Variants in SLC12A7 observed in about 807,000 individuals in gnomAD.
The protein encoded by SLC12A7 is solute carrier family 12 member 7.
SLC12A7 carries 100 observed loss-of-function variants against 120.6 expected under a neutral mutation model. The ratio of observed to expected loss-of-function variants is 0.83; its 90% confidence interval spans 0.71 to 0.98. The LOEUF is 0.98. Ranked by LOEUF, SLC12A7 falls within the 50% of genes least tolerant of loss-of-function variation. SLC12A7 has a pLI of 0.00. For synonymous variants in SLC12A7, 760 were observed against 678.0 expected (o/e 1.12, Z -1.88); for missense variants, 1,373 against 1,548.1 (o/e 0.89, Z 1.90).
At chr5:1,104,633 T>A (rs1742327649) in intron 1 of SLC12A7, among the ~76,000 whole-genome samples, 1 of 151,424 alleles carries the variant, frequency 6.6e-6, no homozygotes, top group Non-Finnish European at 1.5e-5. Flanking sequence ...CCCACTCTCA[T>A]CCCGGACCCC....
Position 1,067,253 on chromosome 5 carries a change from C to A in SLC12A7, c.2242-1775G>T, listed in dbSNP as rs55703420. On this transcript the variant is annotated intron_variant, in intron 17 of 23. Coordinates refer to ENST00000264930, the MANE Select transcript of SLC12A7 (RefSeq NM_006598.3). The stretch of plus-strand genomic sequence containing the variant: ...CAGGAAAGGCCTGAACACGTTACCC[C>A]CAAGGGGCACCAGCCAGCAAGCGGA... 2.1e-3 allele frequency among the ~76,000 whole-genome samples: 322 copies of A among 152,320 alleles called. 1 individual carries two copies. Among genetic ancestry groups the A allele is most frequent in the Non-Finnish European group, 3.8e-3 (261 of 68,028 alleles).
rs772450388 is a variant in SLC12A7, at chr5:1,094,143, A to C, written c.219+11T>G. ...GCCCTGGCACCTTCTTCTTCTAAAA[A>C]GTAAAGTTACCTCGAAAAGTGCCAT... On this transcript the variant is annotated intron_variant, in intron 2 of 23. Coordinates refer to ENST00000264930, the MANE Select transcript of SLC12A7 (RefSeq NM_006598.3). The C allele has an allele frequency of 6.2e-7, 1 of 1,607,604 alleles. No homozygotes were observed. Among genetic ancestry groups the C allele is most frequent in the South Asian group, 1.1e-5 (1 of 90,954 alleles).
chr5:1,118,617 G>A, the SLC12A7 span, among the ~76,000 whole-genome samples: 9 of 152,204 alleles, frequency 5.9e-5, no homozygotes, highest in Admixed American at 1.3e-4. Flanking sequence ...TTTCTAGACC[G>A]GGGGATGCCT....
At chr5:1,096,769 G>GGA (rs1193485977) in intron 1 of SLC12A7, among the ~76,000 whole-genome samples, 22 of 11,428 alleles carry the variant, frequency 1.9e-3, no homozygotes, top group East Asian at 0.021. Flanking sequence ...GGAAGGAAAG[G>GGA]AGGGAGGGGG....
At chr5:1,078,600 A>T in intron 11 of SLC12A7, 101 bp downstream of exon 11, 1 of 962,330 alleles carries the variant, frequency 1.0e-6, no homozygotes, top group East Asian at 2.6e-5. Context: ...CTGCACGCGG[A>T]CATGAAGTCC....
chr5:1,095,117 C>T (rs554078994), intron 1 of SLC12A7, among the ~76,000 whole-genome samples: 1 of 142,910 alleles, frequency 7.0e-6, no homozygotes, highest in Non-Finnish European at 1.6e-5. Context: ...GTCCCTACCC[C>T]CAGGCCTCAG....
intron 22 of SLC12A7, among the ~76,000 whole-genome samples, chr5:1,054,913 G>A (rs1386058122): frequency 6.6e-6 from 1 of 152,202 alleles, no homozygotes; most frequent in Non-Finnish European, 1.5e-5. Flanking sequence ...TTCGACTTCT[G>A]GATAGACCAC....
intron 1 of SLC12A7, 124 bp downstream of exon 1, chr5:1,111,744 G>A (rs2150915522): frequency 2.0e-6 from 2 of 983,814 alleles, no homozygotes; most frequent in Non-Finnish European, 2.6e-6. Flanking sequence ...ACAGGCGGTG[G>A]GGGCGCGGGA....
chr5:1,094,816 G>GC (rs1740925164), intron 1 of SLC12A7, among the ~76,000 whole-genome samples: 1 of 152,178 alleles, frequency 6.6e-6, no homozygotes, highest in Admixed American at 6.5e-5. Flanking sequence ...AGGTAAATGA[G>GC]CCCCTCCTGA....
At chr5:1,106,439 T>G (rs1579443200) in intron 1 of SLC12A7, among the ~76,000 whole-genome samples, 1 of 117,070 alleles carries the variant, frequency 8.5e-6, no homozygotes, top group Admixed American at 1.2e-4. Context: ...GGTGACAGAG[T>G]GAACTCTGTC....
rs138300444 is a variant in SLC12A7 at position 1,064,093 on chromosome 5, C to T, written c.2597G>A (p.Arg866His). 138 of 1,606,486 alleles carry T rather than the reference C, an allele frequency of 8.6e-5. No homozygotes were observed. Among genetic ancestry groups the T allele is most frequent in the Non-Finnish European group, 1.0e-4 (123 of 1,175,878 alleles). The stretch of plus-strand genomic sequence containing the variant: ...CGTCGCACGCCCCACCTTGTGCTGG[C>T]GCAGCAGGAAGGGCAGCAGCATGAG... Reference protein sequence around the residue: ...GMLMLLPFLLRQHKVWRKCRM... With the variant: ...GMLMLLPFLLHQHKVWRKCRM... The change falls in exon 19 of 24, where the codon CGC becomes CAC. Residue 866 changes from arginine (R) to histidine (H), a missense_variant. By Grantham distance (29) the Arg-to-His change is conservative. Coordinates refer to ENST00000264930, the MANE Select transcript of SLC12A7 (RefSeq NM_006598.3).
intron 3 of SLC12A7, among the ~76,000 whole-genome samples, chr5:1,091,275 T>G (rs540726000): frequency 8.5e-5 from 13 of 152,316 alleles, no homozygotes; most frequent in Non-Finnish European, 1.6e-4. Context: ...CCTGGACGTT[T>G]CAGTCATGTC....
At position 1,107,402 on chromosome 5, in the gene SLC12A7, C is replaced by T. The variant is rs545468027; in HGVS notation, c.124+4466G>A. 5.9e-5 allele frequency among the ~76,000 whole-genome samples: 9 copies of T among 152,330 alleles called. 1 individual carries two copies. The South Asian group carries it at 1.9e-3, about 32-fold the overall frequency. ...CCAGGGAGCTGTGTAGGACGTGGCC[C>T]CACGTCCAAAGGGCAGAGGCCCTGA... On this transcript the variant is annotated intron_variant, in intron 1 of 23. Coordinates refer to ENST00000264930, the MANE Select transcript of SLC12A7 (RefSeq NM_006598.3).
the SLC12A7 span, among the ~76,000 whole-genome samples, chr5:1,139,772 A>G: frequency 1.3e-5 from 2 of 152,114 alleles, no homozygotes; most frequent in Non-Finnish European, 2.9e-5. Context: ...GAAGGTGAGT[A>G]ATTCTGAATC....
Position 1,073,881 on chromosome 5 carries a change from G to C in SLC12A7, c.2073-80C>G, listed in dbSNP as rs530556328. 402 of 1,282,292 alleles carry C rather than the reference G, an allele frequency of 3.1e-4. No individual in the cohort carries two copies. In the African/African-American group the frequency reaches 5.4e-3, roughly 17 times the overall value. 79.4% of individuals were successfully genotyped at this position (1,282,292 alleles called of 1,614,324 possible). On this transcript the variant is annotated intron_variant, in intron 16 of 23. Coordinates refer to ENST00000264930, the MANE Select transcript of SLC12A7 (RefSeq NM_006598.3). ...CATCAACAGGCAGGGCAGATGGGAC[G>C]GGCGGGGCACACGACACAGGTGGGA...
the SLC12A7 span, among the ~76,000 whole-genome samples, chr5:1,141,133 G>A: frequency 2.6e-5 from 4 of 152,144 alleles, no homozygotes; most frequent in Non-Finnish European, 5.9e-5. Flanking sequence ...TGAGCTGTAG[G>A]CGGGCACCGG....
At chr5:1,150,623 A>G in the SLC12A7 span, among the ~76,000 whole-genome samples, 1 of 152,280 alleles carries the variant, frequency 6.6e-6, no homozygotes, top group African/African-American at 2.4e-5. Flanking sequence ...AAGGATGGAC[A>G]TGCGTTCAAG....
Position 1,084,991 on chromosome 5 carries a change from C to T in SLC12A7, c.917+241G>A, listed in dbSNP as rs553011537. Among the ~76,000 whole-genome samples the T allele has an allele frequency of 1.4e-4, 22 of 152,374 alleles. No individual in the cohort carries two copies. In the East Asian group the frequency reaches 4.2e-3, roughly 29 times the overall value. On this transcript the variant is annotated intron_variant, in intron 7 of 23. Coordinates refer to ENST00000264930, the MANE Select transcript of SLC12A7 (RefSeq NM_006598.3). The stretch of plus-strand genomic sequence containing the variant: ...AAACCTGCCAGACCCCTCACCAGCC[C>T]TCCTGCCACTGAGGAGGGTCTTCAT...
rs763839410 is a variant in SLC12A7, at chr5:1,076,212, G to A, written c.1773C>T (p.Phe591=). The change falls in exon 14 of 24, where the codon TTC becomes TTT. Residue 591 remains phenylalanine, a synonymous_variant. Transcript: ENST00000264930. ...LSMFFLMCYL[F]VNLACAVQTL... is the part of the protein sequence containing the mutation. ...TCTGCACGGCGCAGGCCAGGTTCAC[G>A]AACAGGTAGCACATGAGGAAGAACC... The A allele has an allele frequency of 9.2e-5, 148 of 1,611,518 alleles. No individual in the cohort carries two copies. Among genetic ancestry groups the A allele is most frequent in the Non-Finnish European group, 1.1e-4 (133 of 1,179,414 alleles).
Sources: gnomAD v4.1 joint callset for allele counts (sites outside exome capture counted in the v4.1 genomes callset) on GRCh38, gnomAD v4.1.1 for gene constraint, MANE v1.5 for transcripts, NCBI Gene and HGNC (gene_info 2026-07-23, HGNC 2026-07-21) for gene names.